Variants in ZNF385D observed in about 807,000 individuals in gnomAD.
The protein encoded by ZNF385D is zinc finger protein 385D.
In ZNF385D, 15 loss-of-function variants were observed where a neutral mutation model predicts 35.8. That is an observed-to-expected ratio of 0.42 (90% CI 0.28 to 0.64). The LOEUF (loss-of-function observed/expected upper bound fraction) is 0.64, where lower values mean the gene tolerates loss of function less well. Among genes scored for constraint, ZNF385D ranks in the 30% least tolerant of loss-of-function variants. The pLI is 0.23. For missense variants in ZNF385D, 474 were observed against 494.6 expected (o/e 0.96, Z 0.39); for synonymous variants, 212 against 186.8 (o/e 1.13, Z -1.10).
rs774047551 is a variant in ZNF385D at position 21,416,900 on chromosome 3, C to T, written c.*4314G>A. ...TTAAATTGTTGTTCCCTTCCACACC[C>T]CCACTGCCAGCTGTCTATTGCCTTT... On this transcript the variant is annotated 3_prime_UTR_variant, in exon 8 of 8. Coordinates refer to ENST00000281523, the MANE Select transcript of ZNF385D (RefSeq NM_024697.3). 1 of 152,094 alleles carries T rather than the reference C, an allele frequency of 6.6e-6. No homozygotes were observed. The highest frequency in any genetic ancestry group is 1.5e-5 in the Non-Finnish European group (1 of 68,016). The allele number at this position is 152,094 out of a possible 1,614,324, so 9.4% of individuals were successfully genotyped here. A position where few individuals can be genotyped will look rare whatever the true frequency, so the allele number is the denominator to read the frequency against.
intron 3 of ZNF385D, among the ~76,000 whole-genome samples, chr3:21,999,678 T>C (rs548279301): frequency 4.7e-4 from 71 of 151,880 alleles, no homozygotes; most frequent in African/African-American, 1.5e-3. Flanking sequence ...GTAAGACTTA[T>C]AGCAGTCCAA....
chr3:21,573,381 G>C (rs1215631150), intron 2 of ZNF385D, among the ~76,000 whole-genome samples: 29 of 152,140 alleles, frequency 1.9e-4, no homozygotes, highest in Admixed American at 1.9e-3. Flanking sequence ...TTACACAAAT[G>C]GTTGGCAAAA....
intron 5 of ZNF385D, chr3:21,431,110 A>C (rs1387668003): frequency 6.6e-6 from 1 of 152,174 alleles, no homozygotes; most frequent in African/African-American, 2.4e-5. Flanking sequence ...AATTTTTTAA[A>C]TATCAGTGAT....
intron 4 of ZNF385D, among the ~76,000 whole-genome samples, chr3:21,486,599 T>C (rs567580100): frequency 1.1e-4 from 17 of 152,250 alleles, no homozygotes; most frequent in African/African-American, 4.1e-4. Context: ...TCCTATCTGC[T>C]GGGAAGTAAA....
intron 4 of ZNF385D, among the ~76,000 whole-genome samples, chr3:21,455,177 T>A (rs1702717406): frequency 6.6e-6 from 1 of 152,170 alleles, no homozygotes; most frequent in African/African-American, 2.4e-5. Flanking sequence ...AATTTATAGA[T>A]TCAATGCCAT....
chr3:22,195,093 A>G (rs1174647062), intron 2 of ZNF385D, among the ~76,000 whole-genome samples: 1 of 151,938 alleles, frequency 6.6e-6, no homozygotes, highest in Non-Finnish European at 1.5e-5. Context: ...CCAGCAATTT[A>G]TGAGAGTTCC....
intron 3 of ZNF385D, among the ~76,000 whole-genome samples, chr3:22,015,089 CCCA>C (rs1263560550): frequency 6.6e-6 from 1 of 151,892 alleles, no homozygotes; most frequent in African/African-American, 2.4e-5. Context: ...GGATGGGACT[CCCA>C]CATTTATTAT....
In ZNF385D at chr3:21,951,318, G is replaced by A. The variant is rs1203509379; in HGVS notation, c.325+217499C>T. Among the ~76,000 whole-genome samples, 2 of 151,496 alleles carry A rather than the reference G, an allele frequency of 1.3e-5. 1 individual carries two copies. Among genetic ancestry groups the A allele is most frequent in the Admixed American group, 1.3e-4 (2 of 15,228 alleles). ...ATTCTCTTTGTAGCAATTGTGAATG[G>A]GAGTTCTCTCATGATTTGGCTATCT... On this transcript the variant is annotated intron_variant, in intron 3 of 5. Coordinates refer to the ZNF385D transcript ENST00000494108.
intron 2 of ZNF385D, among the ~76,000 whole-genome samples, chr3:22,358,482 C>T (rs1039669814): frequency 6.6e-6 from 1 of 151,672 alleles, no homozygotes; most frequent in African/African-American, 2.4e-5. Flanking sequence ...GACAATACAG[C>T]AGGTCTGGTG....
At chr3:21,944,129 A>T (rs2125281427) in intron 3 of ZNF385D, among the ~76,000 whole-genome samples, 1 of 152,362 alleles carries the variant, frequency 6.6e-6, no homozygotes, top group East Asian at 1.9e-4. Context: ...AAAAATTCAT[A>T]TATACAGCAC....
At chr3:21,862,293 C>CT (rs5847143) in intron 3 of ZNF385D, among the ~76,000 whole-genome samples, 33,181 of 142,746 alleles carry the variant, frequency 0.23, 3,936 homozygotes, top group Middle Eastern at 0.4. Flanking sequence ...GATATCTCTA[C>CT]TTTTTTTTTT....
At chr3:22,158,260 T>G (rs1705719073) in intron 3 of ZNF385D, among the ~76,000 whole-genome samples, 1 of 152,056 alleles carries the variant, frequency 6.6e-6, no homozygotes, top group East Asian at 1.9e-4. Context: ...TCATCACAAT[T>G]TCCATTAAAC....
At chr3:21,877,095 T>C (rs1698018987) in intron 3 of ZNF385D, among the ~76,000 whole-genome samples, 1 of 152,094 alleles carries the variant, frequency 6.6e-6, no homozygotes, top group East Asian at 1.9e-4. Flanking sequence ...ATCAGGTTTA[T>C]TCGCCTGCCC....
chr3:21,732,080 T>C (rs1360091445), intron 1 of ZNF385D, among the ~76,000 whole-genome samples: 1 of 122,198 alleles, frequency 8.2e-6, no homozygotes, highest in Non-Finnish European at 1.7e-5. Flanking sequence ...GAGAACGGAG[T>C]TTTGCTCTTT....
At chr3:22,282,189 G>C (rs756206974) in intron 2 of ZNF385D, among the ~76,000 whole-genome samples, 12 of 151,848 alleles carry the variant, frequency 7.9e-5, no homozygotes, top group Non-Finnish European at 7.4e-5. Flanking sequence ...TCTTTTCAAA[G>C]AATCAGCTTT....
At chr3:21,753,525 T>G (rs1173156016), upstream of ZNF385D, among the ~76,000 whole-genome samples, 4 of 152,072 alleles carry the variant, frequency 2.6e-5, no homozygotes, top group Non-Finnish European at 4.4e-5. Context: ...AACAATTGAG[T>G]GTAATATCTA....
chr3:22,022,581 G>A (rs951947048), intron 3 of ZNF385D, among the ~76,000 whole-genome samples: 6 of 152,078 alleles, frequency 3.9e-5, no homozygotes, highest in African/African-American at 1.4e-4. Flanking sequence ...ATTCCTGTTT[G>A]GCAAATGAAC....
At chr3:21,626,094 G>C (rs548603045) in intron 2 of ZNF385D, among the ~76,000 whole-genome samples, 1 of 152,018 alleles carries the variant, frequency 6.6e-6, no homozygotes, top group Admixed American at 6.6e-5. Flanking sequence ...AATCACCCAA[G>C]GTCACATACC....
intron 3 of ZNF385D, among the ~76,000 whole-genome samples, chr3:22,009,737 T>C (rs1458854289): frequency 1.3e-5 from 2 of 152,106 alleles, no homozygotes. Context: ...AATTATGAAA[T>C]TTATAAATAC....
Sources: allele counts gnomAD v4.1 joint callset (sites outside exome capture counted in the v4.1 genomes callset), GRCh38; gene constraint gnomAD v4.1.1; transcripts MANE v1.5; gene names NCBI Gene and HGNC (gene_info 2026-07-23, HGNC 2026-07-21).